DCUN1D4: variants seen among roughly 807,000 people sequenced by gnomAD.
DCUN1D4 encodes the protein DCN1-like protein 4.
Under a neutral mutation model 47.9 loss-of-function variants are expected in DCUN1D4, and 22 were observed. The observed-to-expected ratio is 0.46, with a 90% CI of 0.33 to 0.66. DCUN1D4 has a LOEUF of 0.66. Ranked by LOEUF, DCUN1D4 falls within the 30% of genes least tolerant of loss-of-function variation. The pLI is 0.02. For synonymous variants in DCUN1D4, 121 were observed against 112.2 expected, an observed-to-expected ratio of 1.08 and a Z score of -0.50; for missense variants, 301 against 340.8, an observed-to-expected ratio of 0.88 and a Z score of 0.92.
intron 7 of DCUN1D4, 39 bp from the exon 8 acceptor site, chr4:51,899,231 G>A: frequency 6.6e-7 from 1 of 1,526,224 alleles, no homozygotes; most frequent in Non-Finnish European, 8.8e-7. Flanking sequence ...ATAAATAAAT[G>A]AACTCAGGTC....
chr4:51,897,185 T>C (rs1274406888), intron 7 of DCUN1D4, among the ~76,000 whole-genome samples: 3 of 152,254 alleles, frequency 2.0e-5, no homozygotes, highest in Non-Finnish European at 4.4e-5. Flanking sequence ...TTTTAATCTT[T>C]TTTATTTTCC....
chr4:51,845,904 C>T (rs886625559), intron 1 of DCUN1D4, among the ~76,000 whole-genome samples: 34 of 152,046 alleles, frequency 2.2e-4, no homozygotes, highest in African/African-American at 8.0e-4. Flanking sequence ...TCATATTTTA[C>T]TTAATCGTGT....
At chr4:51,877,581 G>A in intron 4 of DCUN1D4, 182 bp from the exon 5 acceptor site, 2 of 475,196 alleles carry the variant, frequency 4.2e-6, no homozygotes, top group Non-Finnish European at 7.6e-6. Context: ...TATTAGGAGT[G>A]ACTGTGTTTA....
At chr4:51,847,193 G>C (rs562527388) in intron 1 of DCUN1D4, among the ~76,000 whole-genome samples, 1 of 152,288 alleles carries the variant, frequency 6.6e-6, no homozygotes, top group African/African-American at 2.4e-5. Flanking sequence ...ACTTTGGCCA[G>C]CTGTCTCTGG....
chr4:51,845,749 A>T (rs1193886585), intron 1 of DCUN1D4, among the ~76,000 whole-genome samples: 1 of 152,260 alleles, frequency 6.6e-6, no homozygotes, highest in East Asian at 1.9e-4. Flanking sequence ...AATATTACCA[A>T]GAAGTCCTAA....
rs1332052034 is a variant in DCUN1D4 at position 51,916,194 on chromosome 4, T to C, written c.*2610T>C. Reference sequence around the variant, plus strand: ...TTTCGAACTCCACATTGCAATACTCTGTTGTCATGGAATACAACCTTTAGA... The same window carrying C: ...TTTCGAACTCCACATTGCAATACTCCGTTGTCATGGAATACAACCTTTAGA... On this transcript the variant is annotated 3_prime_UTR_variant, in exon 11 of 11. Transcript: ENST00000334635. 1 of 152,154 alleles carries C rather than the reference T, an allele frequency of 6.6e-6. No individual in the cohort carries two copies. The highest frequency in any genetic ancestry group is 1.5e-5 in the Non-Finnish European group (1 of 68,002). The allele number at this position is 152,154 out of a possible 1,614,324, so 9.4% of individuals were successfully genotyped here.
intron 3 of DCUN1D4, among the ~76,000 whole-genome samples, chr4:51,865,705 G>T (rs113731494): frequency 1.3e-5 from 2 of 152,078 alleles, no homozygotes; most frequent in African/African-American, 2.4e-5. Context: ...TGCATTTTGG[G>T]GGCTGTTGAG....
chr4:51,845,263 C>T (rs561373990), intron 1 of DCUN1D4: 14 of 985,042 alleles, frequency 1.4e-5, no homozygotes, highest in African/African-American at 1.8e-5. Context: ...ACCCTTGTAA[C>T]GATAATATAA....
At chr4:51,873,577 G>A (rs1481330473) in intron 3 of DCUN1D4, among the ~76,000 whole-genome samples, 1 of 152,214 alleles carries the variant, frequency 6.6e-6, no homozygotes, top group Non-Finnish European at 1.5e-5. Context: ...GTACATGCAA[G>A]TGTTAAGAAC....
intron 8 of DCUN1D4, chr4:51,905,296 G>C (rs1283727007): frequency 2.3e-6 from 1 of 438,030 alleles, no homozygotes; most frequent in African/African-American, 2.0e-5. Context: ...CAGCAGCAGG[G>C]CCCGCATCTG....
Position 51,889,099 on chromosome 4 carries a change from ACT to A in DCUN1D4, c.414+2464_414+2465del, listed in dbSNP as rs77896888. Among the ~76,000 whole-genome samples the A allele has an allele frequency of 8.9e-3, 1,359 of 152,238 alleles. 26 individuals are homozygous for A. Among genetic ancestry groups the A allele is most frequent in the Admixed American group, 0.043 (660 of 15,292 alleles). On this transcript the variant is annotated intron_variant, in intron 6 of 10. Transcript: ENST00000334635. The stretch of plus-strand genomic sequence containing the variant: ...ACTTCATCCTGGGCAACAGAGTGAG[ACT>A]CTGTCTCGAAAAAGAAAAAAAAGAG...
intron 2 of DCUN1D4, 76 bp from the exon 3 acceptor site, chr4:51,863,594 A>G (rs1291209934): frequency 1.9e-6 from 3 of 1,578,388 alleles, no homozygotes; most frequent in Non-Finnish European, 2.6e-6. Flanking sequence ...TAGATTCTAG[A>G]TATTAGGATA....
chr4:51,892,766 G>A (rs1207682635), intron 7 of DCUN1D4, among the ~76,000 whole-genome samples: 3 of 152,148 alleles, frequency 2.0e-5, no homozygotes, highest in Non-Finnish European at 4.4e-5. Context: ...AGTTGAAGTG[G>A]ATAACTAAAT....
Position 51,891,801 on chromosome 4 carries a change from C to T in DCUN1D4, c.456C>T (p.Asn152=). 10 of 1,612,900 alleles carry T rather than the reference C, an allele frequency of 6.2e-6. No homozygotes were observed. Among genetic ancestry groups the T allele is most frequent in the South Asian group, 3.3e-5 (3 of 90,934 alleles). The part of the protein sequence containing the change: ...LVLAWKLDAQ[N]MGYFTLQEWL... ...TAGCTTGGAAATTGGATGCACAAAA[C>T]ATGGGTTATTTTACTCTACAGGAGT... is the stretch of plus-strand genomic sequence containing the variant. The change falls in exon 7 of 11, where the codon AAC becomes AAT. Residue 152 remains asparagine (N), a synonymous_variant. Coordinates refer to ENST00000334635, the MANE Select transcript of DCUN1D4 (RefSeq NM_001040402.3).
intron 8 of DCUN1D4, among the ~76,000 whole-genome samples, chr4:51,902,630 T>C (rs775642237): frequency 1.3e-5 from 2 of 152,238 alleles, no homozygotes; most frequent in East Asian, 3.8e-4. Flanking sequence ...ACCTGTTTGT[T>C]TCTTTATGTT....
chr4:51,863,436 G>A lies in DCUN1D4; in HGVS notation c.26-1G>A. 6.2e-7 allele frequency: 1 copy of A among 1,606,940 alleles called. No homozygotes were observed. The highest frequency in any genetic ancestry group is 8.5e-7 in the Non-Finnish European group (1 of 1,177,038). On this transcript the variant is annotated splice_acceptor_variant, in intron 1 of 10. Coordinates refer to ENST00000334635, the MANE Select transcript of DCUN1D4 (RefSeq NM_001040402.3). LOFTEE classifies it high-confidence loss of function. ...TGACATTTTTCCTTTTTCTTTTCAA[G>A]ATTTTCAGCTGAACTCTCATCTCTC... is the stretch of plus-strand genomic sequence containing the variant.
At chr4:51,867,691 A>T (rs1333473167) in intron 3 of DCUN1D4, among the ~76,000 whole-genome samples, 2 of 152,176 alleles carry the variant, frequency 1.3e-5, no homozygotes, top group Non-Finnish European at 2.9e-5. Flanking sequence ...GGGAGAAAGC[A>T]CGTGCTGATT....
chr4:51,891,950 A>G (rs1226490279), intron 7 of DCUN1D4, 99 bp downstream of exon 7: 5 of 924,252 alleles, frequency 5.4e-6, no homozygotes, highest in Non-Finnish European at 6.7e-6. Context: ...AGTGGAAGGA[A>G]GTCAGGTGGT....
chr4:51,865,592 C>T (rs1725784182), intron 3 of DCUN1D4: 1 of 152,272 alleles, frequency 6.6e-6, no homozygotes, highest in Non-Finnish European at 1.5e-5. Flanking sequence ...TCCCTTCTCA[C>T]ATTTGTATGC....
Sources: allele counts gnomAD v4.1 joint callset (sites outside exome capture counted in the v4.1 genomes callset), GRCh38; gene constraint gnomAD v4.1.1; transcripts MANE v1.5; gene names NCBI Gene and HGNC (gene_info 2026-07-23, HGNC 2026-07-21).